The following CNTNAP3 variants were observed in gnomAD, a reference collection of about 807,000 sequenced individuals.
The protein encoded by CNTNAP3 is contactin-associated protein-like 3.
Under a neutral mutation model 92.1 loss-of-function variants are expected in CNTNAP3, and 36 were observed. That is an observed-to-expected ratio of 0.39 (90% CI 0.30 to 0.52). CNTNAP3 has a LOEUF of 0.52. CNTNAP3 is among the 20% of genes least tolerant of loss of function. The pLI is 0.76. For synonymous variants in CNTNAP3, 232 were observed against 422.3 expected (o/e 0.55, Z 5.53); for missense variants, 534 against 1,069.6 (o/e 0.50, Z 6.98).
chr9:39,101,045 C>T (rs1362949727), intron 17 of CNTNAP3, among the ~76,000 whole-genome samples: 2 of 148,382 alleles, frequency 1.3e-5, no homozygotes, highest in African/African-American at 4.9e-5. Context: ...GAATTTTACG[C>T]TAATTGTGTT....
At chr9:39,140,111 T>C (rs1175896177) in intron 12 of CNTNAP3, 1 of 155,176 alleles carries the variant, frequency 6.4e-6, no homozygotes, top group African/African-American at 2.4e-5. Context: ...TATGAAAAAA[T>C]TATATGCCAT....
intron 23 of CNTNAP3, among the ~76,000 whole-genome samples, chr9:39,077,514 TTCACTGCACTCCAGCC>T (rs1825810872): frequency 6.6e-6 from 1 of 151,958 alleles, no homozygotes; most frequent in African/African-American, 2.4e-5. Flanking sequence ...TCGAGATTGC[TTCACTGCACTCCAGCC>T]TGGGCGACAC....
intron 14 of CNTNAP3, 125 bp downstream of exon 14, chr9:39,117,978 T>C (rs1185006525): frequency 5.2e-6 from 8 of 1,543,296 alleles, no homozygotes; most frequent in African/African-American, 2.8e-5. Flanking sequence ...TCAAAACTTG[T>C]ATTTCAGCTT....
chr9:39,120,604 A>G (rs939876466), intron 13 of CNTNAP3, among the ~76,000 whole-genome samples: 6 of 152,160 alleles, frequency 3.9e-5, no homozygotes, highest in Admixed American at 1.3e-4. Context: ...CGGGAGGCGG[A>G]GCTTGCAGTG....
intron 15 of CNTNAP3, among the ~76,000 whole-genome samples, chr9:39,105,449 A>C (rs917776381): frequency 3.9e-5 from 6 of 152,080 alleles, no homozygotes; most frequent in African/African-American, 4.8e-5. Flanking sequence ...ACAAACAAAC[A>C]AACCAAGAAA....
At chr9:39,104,673 C>T (rs1826557297) in intron 15 of CNTNAP3, among the ~76,000 whole-genome samples, 1 of 152,102 alleles carries the variant, frequency 6.6e-6, no homozygotes, top group South Asian at 2.1e-4. Flanking sequence ...TGAGTCTTTT[C>T]TTATCTTTTG....
intron 13 of CNTNAP3, among the ~76,000 whole-genome samples, chr9:39,118,967 T>C (rs1442808966): frequency 1.3e-5 from 2 of 152,068 alleles, no homozygotes; most frequent in African/African-American, 2.4e-5. Flanking sequence ...TAGAACTGCA[T>C]ATTAGGACAA....
At position 39,113,965 on chromosome 9, in the gene CNTNAP3, TCTATATATACACACACAC is replaced by T. The variant is rs906169490; in HGVS notation, c.2237+4120_2237+4137del. The stretch of plus-strand genomic sequence containing the variant: ...TGCATATTTGTTAATTCTCTCTCTC[TCTATATATACACACACAC>T]ATATATATACACACACACATATATA... On this transcript the variant is annotated intron_variant, in intron 14 of 23. Transcript: ENST00000297668. Among the ~76,000 whole-genome samples, 472 of 151,540 alleles carry T rather than the reference TCTATATATACACACACAC, an allele frequency of 3.1e-3. 4 individuals are homozygous for T. The highest frequency in any genetic ancestry group is 9.5e-3 in the African/African-American group (393 of 41,216).
intron 12 of CNTNAP3, among the ~76,000 whole-genome samples, chr9:39,137,994 G>A: frequency 6.6e-6 from 1 of 151,494 alleles, no homozygotes; most frequent in Non-Finnish European, 1.5e-5. Context: ...CAAGTAGCTG[G>A]GACTACAGAT....
chr9:39,159,377 A>G (rs1360921081), intron 9 of CNTNAP3: 3 of 136,810 alleles, frequency 2.2e-5, no homozygotes, highest in Non-Finnish European at 4.7e-5. Flanking sequence ...TTATATATAT[A>G]TATATTTTTA....
chr9:39,095,055 C>T (rs920375832), intron 18 of CNTNAP3, among the ~76,000 whole-genome samples: 7 of 151,130 alleles, frequency 4.6e-5, no homozygotes, highest in Non-Finnish European at 8.9e-5. Context: ...TTCACTTTCT[C>T]GGTTAAGTTT....
At chr9:39,147,911 G>A (rs1053005271) in intron 10 of CNTNAP3, among the ~76,000 whole-genome samples, 3 of 152,142 alleles carry the variant, frequency 2.0e-5, no homozygotes, top group African/African-American at 4.8e-5. Context: ...ATCATATTTT[G>A]TGAGTAATTA....
intron 14 of CNTNAP3, among the ~76,000 whole-genome samples, chr9:39,112,739 A>T (rs1404661087): frequency 6.6e-6 from 1 of 151,912 alleles, no homozygotes; most frequent in Non-Finnish European, 1.5e-5. Context: ...ACACACTTAA[A>T]AAATTTCTAG....
At chr9:39,110,041 A>G (rs937305301) in intron 14 of CNTNAP3, among the ~76,000 whole-genome samples, 1 of 152,178 alleles carries the variant, frequency 6.6e-6, no homozygotes, top group Non-Finnish European at 1.5e-5. Context: ...CACCCTTATA[A>G]GTAATACATA....
chr9:39,122,655 C>G (rs1821058298), intron 13 of CNTNAP3, among the ~76,000 whole-genome samples: 1 of 152,096 alleles, frequency 6.6e-6, no homozygotes, highest in African/African-American at 2.4e-5. Context: ...TAAAGGCTTC[C>G]TTACCTCAGT....
Position 39,065,472 on chromosome 9 carries a change from C to T in CNTNAP3, c.*8418G>A, listed in dbSNP as rs1400190804. 1.3e-5 allele frequency among the ~76,000 whole-genome samples: 2 copies of T among 150,304 alleles called. No homozygotes were observed. The highest frequency in any genetic ancestry group is 3.0e-5 in the Non-Finnish European group (2 of 67,634). ...AAGTCTTATAATGGGCATAAGTTTTCATTTCTTTTCAATCTAGGATTGGAA... is the reference window on the plus strand; with the variant it reads ...AAGTCTTATAATGGGCATAAGTTTTTATTTCTTTTCAATCTAGGATTGGAA... On this transcript the variant is annotated 3_prime_UTR_variant, in exon 24 of 24. Transcript: ENST00000297668.
At chr9:39,151,045 A>G (rs1821831763) in intron 9 of CNTNAP3, among the ~76,000 whole-genome samples, 1 of 147,258 alleles carries the variant, frequency 6.8e-6, no homozygotes, top group African/African-American at 2.6e-5. Flanking sequence ...GAAAGTACAC[A>G]CTCTAGTTAA....
At chr9:39,146,569 G>A (rs1214565216) in intron 10 of CNTNAP3, among the ~76,000 whole-genome samples, 3 of 152,136 alleles carry the variant, frequency 2.0e-5, no homozygotes, top group Non-Finnish European at 4.4e-5. Context: ...GGCGCCTGTA[G>A]TTCCAGCTAC....
chr9:39,148,093 C>A (rs951945057), intron 10 of CNTNAP3, among the ~76,000 whole-genome samples: 7 of 151,880 alleles, frequency 4.6e-5, no homozygotes, highest in Non-Finnish European at 8.8e-5. Context: ...ATTAAGTGAG[C>A]AAATGGCCAG....
Sources: allele counts gnomAD v4.1 joint callset (sites outside exome capture counted in the v4.1 genomes callset), GRCh38; gene constraint gnomAD v4.1.1; transcripts MANE v1.5; gene names NCBI Gene and HGNC (gene_info 2026-07-23, HGNC 2026-07-21).